Variants in ZYG11B observed in about 807,000 individuals in gnomAD.
ZYG11B encodes the protein zyg-11 family member B, cell cycle regulator, also known as protein zyg-11 homolog B.
ZYG11B carries 36 observed loss-of-function variants against 82.4 expected under a neutral mutation model. The ratio of observed to expected loss-of-function variants is 0.44; its 90% CI spans 0.33 to 0.58. The LOEUF is 0.58. Among genes scored for constraint, ZYG11B ranks in the 20% least tolerant of loss-of-function variants. The pLI, the probability that ZYG11B is intolerant of heterozygous loss-of-function variation, is 0.02. For missense variants in ZYG11B, 552 were observed against 895.6 expected (o/e 0.62, Z 4.90); for synonymous variants, 303 against 312.8 (o/e 0.97, Z 0.33).
At chr1:52,778,617 A>G (rs1644828795) in intron 3 of ZYG11B, among the ~76,000 whole-genome samples, 1 of 152,076 alleles carries the variant, frequency 6.6e-6, no homozygotes, top group African/African-American at 2.4e-5. Flanking sequence ...AGTTATTGAC[A>G]CTTAGTAGCT....
rs1193524232 is a variant in ZYG11B at position 52,822,508 on chromosome 1, C to T, written c.*879C>T. ...TTATCGCCAGTTAAAACTGGCTATT[C>T]TTTTCCTCTATTTCAAAGTCATTTT... is the stretch of plus-strand genomic sequence containing the variant. On this transcript the variant is annotated 3_prime_UTR_variant, in exon 14 of 14. Coordinates refer to ENST00000294353, the MANE Select transcript of ZYG11B (RefSeq NM_024646.3). 1 of 152,176 alleles carries T rather than the reference C, an allele frequency of 6.6e-6. No individual in the cohort carries two copies. Among genetic ancestry groups the T allele is most frequent in the Non-Finnish European group, 1.5e-5 (1 of 68,036 alleles). The allele number at this position is 152,176 out of a possible 1,614,324, so 9.4% of individuals were successfully genotyped here. A position where few individuals can be genotyped will look rare whatever the true frequency, so the allele number is the denominator to read the frequency against.
chr1:52,782,566 T>G (rs747012151), intron 4 of ZYG11B, among the ~76,000 whole-genome samples: 1 of 151,916 alleles, frequency 6.6e-6, no homozygotes, highest in African/African-American at 2.4e-5. Flanking sequence ...TTTTTCAAAT[T>G]TTTAAAAATA....
intron 1 of ZYG11B, among the ~76,000 whole-genome samples, chr1:52,750,555 G>T (rs1169480787): frequency 6.6e-6 from 1 of 152,144 alleles, no homozygotes; most frequent in Non-Finnish European, 1.5e-5. Context: ...TTACAGGTGT[G>T]AGCCATCGTG....
intron 12 of ZYG11B, 102 bp from the exon 13 acceptor site, chr1:52,816,430 A>T: frequency 2.6e-6 from 2 of 756,740 alleles, no homozygotes; most frequent in Non-Finnish European, 4.6e-6. Context: ...GTCTAAATAT[A>T]ATAGGATAAA....
intron 13 of ZYG11B, among the ~76,000 whole-genome samples, chr1:52,820,970 A>C (rs1045572836): frequency 2.0e-5 from 3 of 151,530 alleles, no homozygotes; most frequent in Non-Finnish European, 2.9e-5. Flanking sequence ...GGGTGGTGGC[A>C]TGTGCCTGTA....
chr1:52,790,659 A>G (rs1644948543), intron 6 of ZYG11B, among the ~76,000 whole-genome samples: 1 of 135,354 alleles, frequency 7.4e-6, no homozygotes, highest in Admixed American at 8.4e-5. Context: ...CGGCGGTTGC[A>G]GTGAGCCAAG....
chr1:52,781,894 A>G (rs1388355638), intron 4 of ZYG11B, among the ~76,000 whole-genome samples: 1 of 151,806 alleles, frequency 6.6e-6, no homozygotes, highest in African/African-American at 2.4e-5. Context: ...CCTTTTATAT[A>G]TATCAGAGGA....
intron 4 of ZYG11B, 41 bp downstream of exon 4, chr1:52,780,034 T>A: frequency 1.3e-6 from 2 of 1,557,402 alleles, no homozygotes; most frequent in Non-Finnish European, 1.7e-6. Flanking sequence ...TGAAATGATC[T>A]CCCTGGGCAG....
Position 52,777,237 on chromosome 1 carries a change from C to T in ZYG11B, c.952-2616C>T, listed in dbSNP as rs1038327132. 9.9e-5 allele frequency among the ~76,000 whole-genome samples: 15 copies of T among 151,880 alleles called. No homozygotes were observed. In the East Asian group the frequency reaches 2.7e-3, roughly 27 times the overall value. On this transcript the variant is annotated intron_variant, in intron 3 of 13. Transcript: ENST00000294353. ...AAAAAAGGAAAAAAAAGAGAAAAGA[C>T]GTAAAGTAATGGAAGTAAAGAAACT...
intron 2 of ZYG11B, among the ~76,000 whole-genome samples, chr1:52,761,330 C>T (rs1644629778): frequency 6.6e-6 from 1 of 152,202 alleles, no homozygotes; most frequent in Admixed American, 6.5e-5. Context: ...CAATCTCTGC[C>T]TATCCTCCTC....
At chr1:52,761,939 A>G (rs1374097491) in intron 2 of ZYG11B, among the ~76,000 whole-genome samples, 3 of 151,996 alleles carry the variant, frequency 2.0e-5, no homozygotes, top group Non-Finnish European at 4.4e-5. Flanking sequence ...ATTTTTTTAT[A>G]TATTTGTTGG....
intron 8 of ZYG11B, among the ~76,000 whole-genome samples, chr1:52,801,608 A>G (rs950182): frequency 0.14 from 21,825 of 152,018 alleles, 3,749 homozygotes; most frequent in African/African-American, 0.4. Flanking sequence ...TACATTATAG[A>G]TATGATCAGA....
At chr1:52,772,157 TAAAC>T (rs1285884654) in intron 3 of ZYG11B, 5 of 1,357,108 alleles carry the variant, frequency 3.7e-6, no homozygotes, top group Admixed American at 1.7e-5. Context: ...TTATTTTAGT[TAAAC>T]AATCATTTTA....
intron 6 of ZYG11B, among the ~76,000 whole-genome samples, chr1:52,793,171 A>G (rs1221750593): frequency 1.3e-5 from 2 of 151,980 alleles, no homozygotes; most frequent in African/African-American, 2.4e-5. Flanking sequence ...TTTTACAGAT[A>G]AGAATGTTGA....
chr1:52,746,895 G>A (rs1415377604), intron 1 of ZYG11B, among the ~76,000 whole-genome samples: 2 of 146,360 alleles, frequency 1.4e-5, no homozygotes, highest in Non-Finnish European at 3.0e-5. Flanking sequence ...TTTTTTTGGC[G>A]GGTAAGGTCT....
At chr1:52,735,166 G>A (rs1644369228) in intron 1 of ZYG11B, among the ~76,000 whole-genome samples, 1 of 151,556 alleles carries the variant, frequency 6.6e-6, no homozygotes, top group African/African-American at 2.4e-5. Context: ...TAGTAGCTGG[G>A]ATTACAGGCA....
chr1:52,730,433 C>T (rs901214969), intron 1 of ZYG11B, among the ~76,000 whole-genome samples: 1 of 152,114 alleles, frequency 6.6e-6, no homozygotes, highest in Non-Finnish European at 1.5e-5. Context: ...CTCAAGCAGT[C>T]CTTCCAGCTC....
chr1:52,756,690 A>G (rs982975298), intron 2 of ZYG11B, 67 bp downstream of exon 2: 39 of 1,463,758 alleles, frequency 2.7e-5, no homozygotes, highest in Non-Finnish European at 3.6e-5. Flanking sequence ...GAAGTGCTAC[A>G]GTAGCCATTT....
chr1:52,726,621 C>G lies in ZYG11B; in HGVS notation c.-33C>G, dbSNP rs550531572. The G allele has an allele frequency of 2.8e-6, 4 of 1,424,332 alleles. No individual in the cohort carries two copies. The highest frequency in any genetic ancestry group is 3.7e-6 in the Non-Finnish European group (4 of 1,094,970). The allele number at this position is 1,424,332 out of a possible 1,614,324, so 88.2% of individuals were successfully genotyped here. On this transcript the variant is annotated 5_prime_UTR_variant, in exon 1 of 14. Coordinates refer to ENST00000294353, the MANE Select transcript of ZYG11B (RefSeq NM_024646.3). ...GCTCAGCCTGGGGGCGGGCTCCGGT[C>G]CGGCCCGCCGCCGCACCCAGGACGG... is the stretch of plus-strand genomic sequence containing the variant.
Sources: gnomAD v4.1 joint callset for allele counts (sites outside exome capture counted in the v4.1 genomes callset) on GRCh38, gnomAD v4.1.1 for gene constraint, MANE v1.5 for transcripts, NCBI Gene and HGNC (gene_info 2026-07-23, HGNC 2026-07-21) for gene names.